WWOX: variants seen among roughly 807,000 people sequenced by gnomAD.
WWOX encodes WW domain containing oxidoreductase, also known as WW domain-containing oxidoreductase.
A neutral mutation model predicts 46.2 loss-of-function variants in WWOX; 69 were observed. The observed-to-expected ratio is 1.49, with a 90% CI of 1.23 to 1.82. The LOEUF is 1.82. WWOX is among the 40% of genes most tolerant of loss of function. The pLI is 0.00. For missense variants in WWOX, 919 were observed against 542.6 expected (o/e 1.69, Z -6.89); for synonymous variants, 359 against 202.6 (o/e 1.77, Z -6.56).
In WWOX at chr16:79,212,217, A is replaced by AAGGAGC; in HGVS notation, c.*423_*424insGAGCAG. Reference sequence around the variant, plus strand: ...TTCTCCTACTTAGGGAAGAAAAAGCAAGTGTTCACTGCTCCTTGCTGCATT... The same window carrying AAGGAGC: ...TTCTCCTACTTAGGGAAGAAAAAGCAAGGAGCAGTGTTCACTGCTCCTTGCTGCATT... On this transcript the variant is annotated 3_prime_UTR_variant, in exon 9 of 9. Transcript: ENST00000566780. 1 of 1,421,150 alleles carries AAGGAGC rather than the reference A, an allele frequency of 7.0e-7. No homozygotes were observed. The highest frequency in any genetic ancestry group is 9.2e-7 in the Non-Finnish European group (1 of 1,083,770). 88.0% of individuals were successfully genotyped at this position (1,421,150 alleles called of 1,614,324 possible). A position where few individuals can be genotyped will look rare whatever the true frequency, so the allele number is the denominator to read the frequency against.
At chr16:78,916,382 C>T (rs960395427) in intron 8 of WWOX, among the ~76,000 whole-genome samples, 1 of 152,018 alleles carries the variant, frequency 6.6e-6, no homozygotes, top group Admixed American at 6.6e-5. Context: ...ATGATTAATC[C>T]CCCAAAAGTC....
At chr16:78,382,826 C>T (rs72796075) in intron 5 of WWOX, among the ~76,000 whole-genome samples, 6 of 151,920 alleles carry the variant, frequency 3.9e-5, no homozygotes, top group Admixed American at 2.6e-4. Flanking sequence ...AGAAAATAAA[C>T]GCATCTCAAG....
At chr16:78,212,482 A>G (rs561220067) in intron 5 of WWOX, among the ~76,000 whole-genome samples, 3 of 152,292 alleles carry the variant, frequency 2.0e-5, no homozygotes, top group African/African-American at 7.2e-5. Context: ...TCTGTAGTTT[A>G]TATTGGATTC....
intron 5 of WWOX, among the ~76,000 whole-genome samples, chr16:78,250,576 C>G (rs190058397): frequency 3.3e-5 from 5 of 152,230 alleles, no homozygotes; most frequent in Admixed American, 3.3e-4. Context: ...CCCTATTAAC[C>G]TCAATAGGAA....
intron 8 of WWOX, among the ~76,000 whole-genome samples, chr16:79,133,464 A>G (rs1451430596): frequency 6.6e-6 from 1 of 152,242 alleles, no homozygotes; most frequent in Non-Finnish European, 1.5e-5. Flanking sequence ...CAGAACGAGT[A>G]CGGTCTCTAA....
At chr16:78,117,622 C>T (rs1478782719) in intron 4 of WWOX, among the ~76,000 whole-genome samples, 1 of 152,138 alleles carries the variant, frequency 6.6e-6, no homozygotes, top group Non-Finnish European at 1.5e-5. Flanking sequence ...CCCAAGTAGG[C>T]TGTGGCTTCT....
intron 1 of WWOX, chr16:78,100,107 G>C: frequency 1.5e-6 from 2 of 1,374,802 alleles, no homozygotes; most frequent in Non-Finnish European, 1.9e-6. Context: ...TTCCCGGCGC[G>C]CCCTCTGCTG....
At chr16:78,626,132 AT>A (rs143934809) in intron 8 of WWOX, among the ~76,000 whole-genome samples, 4 of 147,520 alleles carry the variant, frequency 2.7e-5, no homozygotes, top group Admixed American at 6.8e-5. Context: ...ACTTTTATTT[AT>A]TTTTTTTTTC....
At chr16:78,668,856 G>C (rs537275533) in intron 8 of WWOX, among the ~76,000 whole-genome samples, 2 of 152,222 alleles carry the variant, frequency 1.3e-5, no homozygotes, top group Non-Finnish European at 2.9e-5. Context: ...TGAGACACGT[G>C]GTGTTCACTT....
chr16:78,339,578 G>A (rs2080968350), intron 5 of WWOX, among the ~76,000 whole-genome samples: 1 of 119,552 alleles, frequency 8.4e-6, no homozygotes, highest in African/African-American at 2.8e-5. Context: ...TTTTGTGGGA[G>A]CATGTCTTGT....
intron 8 of WWOX, among the ~76,000 whole-genome samples, chr16:79,000,240 C>T (rs929318011): frequency 6.6e-6 from 1 of 152,176 alleles, no homozygotes; most frequent in African/African-American, 2.4e-5. Context: ...CCAGCTTTGC[C>T]TGGCAAATTC....
At chr16:78,396,397 T>G (rs367672397) in intron 6 of WWOX, among the ~76,000 whole-genome samples, 1 of 152,198 alleles carries the variant, frequency 6.6e-6, no homozygotes, top group East Asian at 1.9e-4. Context: ...ACACCAATGT[T>G]CACAAAATAA....
intron 8 of WWOX, among the ~76,000 whole-genome samples, chr16:78,494,865 G>C (rs1365829597): frequency 6.6e-6 from 1 of 152,122 alleles, no homozygotes; most frequent in African/African-American, 2.4e-5. Context: ...GATGTTCATC[G>C]CACAGTGACA....
intron 8 of WWOX, among the ~76,000 whole-genome samples, chr16:78,524,250 A>T (rs545470036): frequency 6.6e-6 from 1 of 152,312 alleles, no homozygotes; most frequent in African/African-American, 2.4e-5. Flanking sequence ...TGGTGTGACT[A>T]ATATTAGAAG....
chr16:78,927,326 G>A (rs1010012005), intron 8 of WWOX, among the ~76,000 whole-genome samples: 1 of 152,206 alleles, frequency 6.6e-6, no homozygotes, highest in Non-Finnish European at 1.5e-5. Context: ...TTATCCTGGT[G>A]ACCTTAGGCA....
At chr16:78,944,247 A>G (rs933971617) in intron 8 of WWOX, among the ~76,000 whole-genome samples, 1 of 152,104 alleles carries the variant, frequency 6.6e-6, no homozygotes, top group African/African-American at 2.4e-5. Context: ...GTTGACTCTC[A>G]TAATTGTAAC....
intron 5 of WWOX, among the ~76,000 whole-genome samples, chr16:78,307,231 T>C (rs1045719894): frequency 1.3e-5 from 2 of 152,210 alleles, no homozygotes. Flanking sequence ...CGTTCATTGC[T>C]AGCACAATGC....
chr16:79,063,239 C>G (rs1391740383), intron 8 of WWOX, among the ~76,000 whole-genome samples: 1 of 152,160 alleles, frequency 6.6e-6, no homozygotes, highest in Non-Finnish European at 1.5e-5. Flanking sequence ...GATAAAAAAG[C>G]AACATTCGTG....
chr16:78,359,114 C>G (rs1437835886), intron 5 of WWOX, among the ~76,000 whole-genome samples: 2 of 152,072 alleles, frequency 1.3e-5, no homozygotes, highest in African/African-American at 2.4e-5. Flanking sequence ...CCCATATATA[C>G]TCTTTCTGTA....
Sources: gnomAD v4.1 joint callset for allele counts (sites outside exome capture counted in the v4.1 genomes callset) on GRCh38, gnomAD v4.1.1 for gene constraint, MANE v1.5 for transcripts, NCBI Gene and HGNC (gene_info 2026-07-23, HGNC 2026-07-21) for gene names.